PCDHGB1: variants seen among roughly 807,000 people sequenced by gnomAD.
PCDHGB1 encodes the protein protocadherin gamma subfamily B, 1, also known as protocadherin gamma-B1.
In PCDHGB1, 34 loss-of-function variants were observed where a neutral mutation model predicts 56.6. The ratio of observed to expected loss-of-function variants is 0.60; its 90% confidence interval spans 0.46 to 0.80. The LOEUF (loss-of-function observed/expected upper bound fraction) is 0.80. PCDHGB1 is among the 30% of genes least tolerant of loss of function. The pLI, the probability that PCDHGB1 is intolerant of heterozygous loss-of-function variation, is 0.00. For missense variants in PCDHGB1, 1,278 were observed against 1,204.6 expected (o/e 1.06, Z -0.90); for synonymous variants, 561 against 505.9 (o/e 1.11, Z -1.46).
chr5:141,487,675 A>G lies in PCDHGB1; in HGVS notation c.2410-7132A>G, dbSNP rs752606441. ...GTTATTCTGATCCAGGCATATGGCT[A>G]GGCCATGTCCTAGAGAGTACTGGCC... On this transcript the variant is annotated intron_variant, in intron 1 of 3. Transcript: ENST00000523390. This position sits in a 1 kb window ranked among gnomAD's most constrained non-coding sequence, Gnocchi z 5.0. 22 of 1,611,038 alleles carry G rather than the reference A, an allele frequency of 1.4e-5. No individual in the cohort carries two copies. Among genetic ancestry groups the G allele is most frequent in the Non-Finnish European group, 1.7e-5 (20 of 1,178,458 alleles).
rs533686455 is a variant in PCDHGB1, at chr5:141,369,964, G to A, written c.2409+17295G>A. Among the ~76,000 whole-genome samples the A allele has an allele frequency of 3.5e-4, 53 of 152,298 alleles. No homozygotes were observed. The East Asian group carries it at 5.2e-3, about 15-fold the overall frequency. ...CAAGATTATCTCTGCCCTTTGACAA[G>A]TAAAAGGTACTTGATTTGGATGGAT... On this transcript the variant is annotated intron_variant, in intron 1 of 3. Coordinates refer to ENST00000523390, the MANE Select transcript of PCDHGB1 (RefSeq NM_018922.3).
chr5:141,415,915 TGC>T, intron 1 of PCDHGB1: 1 of 724,854 alleles, frequency 1.4e-6, no homozygotes, highest in Non-Finnish European at 1.9e-6. Flanking sequence ...CATACAGAAG[TGC>T]CTGTCAATTT....
intron 1 of PCDHGB1, chr5:141,366,487 G>C (rs962948172): frequency 6.2e-7 from 1 of 1,614,236 alleles, no homozygotes; most frequent in East Asian, 2.2e-5. Flanking sequence ...TGAGGCGCTG[G>C]CACAAGTCAC....
chr5:141,410,661 A>G, intron 1 of PCDHGB1: 1 of 1,572,394 alleles, frequency 6.4e-7, no homozygotes, highest in Non-Finnish European at 8.6e-7. Context: ...CTAATAGTCT[A>G]CTAGTTTCTC....
rs776258973 is a variant in PCDHGB1, at chr5:141,489,877, A to G, written c.2410-4930A>G. 1.2e-6 allele frequency: 2 copies of G among 1,614,230 alleles called. No individual in the cohort carries two copies. The highest frequency in any genetic ancestry group is 2.2e-5 in the South Asian group (2 of 91,090). Reference sequence around the variant, plus strand: ...CCAGGCAAGACATCAGCTGGTGCTTACTGCTGTGGATGGGGGGACCCCAGC... The same window carrying G: ...CCAGGCAAGACATCAGCTGGTGCTTGCTGCTGTGGATGGGGGGACCCCAGC... On this transcript the variant is annotated intron_variant, in intron 1 of 3. Coordinates refer to ENST00000523390, the MANE Select transcript of PCDHGB1 (RefSeq NM_018922.3). This position sits in a 1 kb window ranked among gnomAD's most constrained non-coding sequence, Gnocchi z 4.5.
At chr5:141,510,849 G>C (rs959784028) in intron 3 of PCDHGB1, 98 bp from the exon 4 acceptor site, 10 of 1,596,568 alleles carry the variant, frequency 6.3e-6, no homozygotes, top group Middle Eastern at 1.7e-4. Flanking sequence ...CAAGGCCCAG[G>C]GTGCTGTATA....
intron 1 of PCDHGB1, chr5:141,413,704 A>C (rs749988351): frequency 6.2e-7 from 1 of 1,613,616 alleles, no homozygotes; most frequent in South Asian, 1.1e-5. Flanking sequence ...CTATCAGCTC[A>C]GCCCCAATAA....
At chr5:141,474,398 C>A (rs1381347745) in intron 1 of PCDHGB1, among the ~76,000 whole-genome samples, 3 of 152,212 alleles carry the variant, frequency 2.0e-5, no homozygotes, top group Non-Finnish European at 4.4e-5. Context: ...TTCTAACAAG[C>A]TCCCCGGTGA....
At chr5:141,504,452 T>C (rs1208972630) in intron 2 of PCDHGB1, among the ~76,000 whole-genome samples, 1 of 152,060 alleles carries the variant, frequency 6.6e-6, no homozygotes, top group Non-Finnish European at 1.5e-5. Flanking sequence ...TAGTGCCATG[T>C]GGGGCAGCCG....
At chr5:141,433,604 G>A (rs2097631609) in intron 1 of PCDHGB1, among the ~76,000 whole-genome samples, 1 of 152,138 alleles carries the variant, frequency 6.6e-6, no homozygotes, top group Non-Finnish European at 1.5e-5. Flanking sequence ...GGGAGGCCGA[G>A]GCGGGTGGAT....
intron 1 of PCDHGB1, among the ~76,000 whole-genome samples, chr5:141,448,344 A>G (rs2098583423): frequency 6.6e-6 from 1 of 152,080 alleles, no homozygotes; most frequent in Admixed American, 6.6e-5. Flanking sequence ...CATGTACCTC[A>G]ATCTTAGTAG....
chr5:141,491,598 C>T lies in PCDHGB1; in HGVS notation c.2410-3209C>T, dbSNP rs1410472886. On this transcript the variant is annotated intron_variant, in intron 1 of 3. Transcript: ENST00000523390. This position sits in a 1 kb window ranked among gnomAD's most constrained non-coding sequence, Gnocchi z 6.9. ...TTTCACCGGCCTCGGACGGCAGTGA[C>T]TTCACTTTTCTAAGACCCCTCAGCG... 1.4e-5 allele frequency: 22 copies of T among 1,613,872 alleles called. No homozygotes were observed. The highest frequency in any genetic ancestry group is 1.8e-5 in the Non-Finnish European group (21 of 1,180,048).
At chr5:141,444,138 C>CTTGTGTG (rs2098418688) in intron 1 of PCDHGB1, among the ~76,000 whole-genome samples, 1 of 122,946 alleles carries the variant, frequency 8.1e-6, no homozygotes, top group South Asian at 2.7e-4. Flanking sequence ...ATATGTGTCA[C>CTTGTGTG]TTGTGTGTAC....
chr5:141,446,634 G>A (rs927873152), intron 1 of PCDHGB1, among the ~76,000 whole-genome samples: 6 of 151,928 alleles, frequency 3.9e-5, no homozygotes, highest in Admixed American at 2.6e-4. Context: ...GCACCACCAC[G>A]CCTGGCTAAT....
chr5:141,376,384 T>C (rs1588802430), intron 1 of PCDHGB1: 13 of 1,614,204 alleles, frequency 8.1e-6, no homozygotes, highest in Middle Eastern at 1.7e-4. Context: ...GTAAGAGTCA[T>C]CTGATTTTCC....
At chr5:141,388,773 G>T (rs769358867) in intron 1 of PCDHGB1, 12 of 1,613,808 alleles carry the variant, frequency 7.4e-6, no homozygotes, top group Non-Finnish European at 9.3e-6. Context: ...CTCTAACACC[G>T]GGGAAATTAC....
chr5:141,443,217 G>A (rs1447455858), intron 1 of PCDHGB1, among the ~76,000 whole-genome samples: 8 of 151,656 alleles, frequency 5.3e-5, no homozygotes, highest in African/African-American at 2.4e-5. Flanking sequence ...CTCGCCAGGC[G>A]CATCTATAAT....
chr5:141,476,711 G>C lies in PCDHGB1; in HGVS notation c.2410-18096G>C. 1 of 1,614,194 alleles carries C rather than the reference G, an allele frequency of 6.2e-7. No individual in the cohort carries two copies. The highest frequency in any genetic ancestry group is 8.5e-7 in the Non-Finnish European group (1 of 1,180,042). On this transcript the variant is annotated intron_variant, in intron 1 of 3. Coordinates refer to ENST00000523390, the MANE Select transcript of PCDHGB1 (RefSeq NM_018922.3). This position sits in a 1 kb window ranked among gnomAD's most constrained non-coding sequence, Gnocchi z 7.6. ...CACCAAGTACGCGGAGCTGGTGTTG[G>C]AGCGCGCCCTGGACCGAGAACGGGA...
At position 141,485,386 on chromosome 5, in the gene PCDHGB1, C is replaced by A. The variant is rs1044608807; in HGVS notation, c.2410-9421C>A. The stretch of plus-strand genomic sequence containing the variant: ...GGCTGCAGGTCGCTGGAGAGGTGAA[C>A]CAAAGACACTTCCGTGTGGATTTGG... On this transcript the variant is annotated intron_variant, in intron 1 of 3. Coordinates refer to ENST00000523390, the MANE Select transcript of PCDHGB1 (RefSeq NM_018922.3). This position sits in a 1 kb window ranked among gnomAD's most constrained non-coding sequence, Gnocchi z 5.7. 1.2e-6 allele frequency: 2 copies of A among 1,614,104 alleles called. No homozygotes were observed. The highest frequency in any genetic ancestry group is 8.5e-7 in the Non-Finnish European group (1 of 1,180,002).
Sources: gnomAD v4.1 joint callset for allele counts (sites outside exome capture counted in the v4.1 genomes callset) on GRCh38, gnomAD v4.1.1 for gene constraint, Gnocchi (gnomAD v3.1) non-coding constraint, MANE v1.5 for transcripts, NCBI Gene and HGNC (gene_info 2026-07-23, HGNC 2026-07-21) for gene names.